The following EIF3M variants were observed in gnomAD, a reference collection of about 807,000 sequenced individuals.
The protein encoded by EIF3M is eukaryotic translation initiation factor 3 subunit M, also known as B5 receptor.
Under a neutral mutation model 49.7 loss-of-function variants are expected in EIF3M, and 25 were observed. The ratio of observed to expected loss-of-function variants is 0.50; its 90% CI spans 0.37 to 0.70. The LOEUF is 0.70. Ranked by LOEUF, EIF3M falls within the 30% of genes least tolerant of loss-of-function variation. The pLI is 0.00. For missense variants in EIF3M, 350 were observed against 440.0 expected, an observed-to-expected ratio of 0.80 and a Z score of 1.83; for synonymous variants, 156 against 149.8, an observed-to-expected ratio of 1.04 and a Z score of -0.30.
At chr11:32,600,446 G>A (rs145236608) in intron 8 of EIF3M, among the ~76,000 whole-genome samples, 10 of 151,900 alleles carry the variant, frequency 6.6e-5, no homozygotes, top group African/African-American at 2.2e-4. Context: ...TTTTATGGCC[G>A]ATTCTTAACT....
At chr11:32,596,835 G>A (rs764521912) in intron 8 of EIF3M, among the ~76,000 whole-genome samples, 24 of 152,032 alleles carry the variant, frequency 1.6e-4, no homozygotes, top group Non-Finnish European at 2.5e-4. Context: ...AACCCGGGAG[G>A]CAGAGGTTGC....
Position 32,583,861 on chromosome 11 carries a change from A to C in EIF3M, c.-27A>C. On this transcript the variant is annotated 5_prime_UTR_variant, in exon 1 of 11. Coordinates refer to ENST00000531120, the MANE Select transcript of EIF3M (RefSeq NM_006360.6). ...CCGGTCGGCGTGGTCTTGCGAGTGG[A>C]GTGTCCGCTGTGCCCGGGCCTGCAC... 2 of 1,610,812 alleles carry C rather than the reference A, an allele frequency of 1.2e-6. No homozygotes were observed. Among genetic ancestry groups the C allele is most frequent in the East Asian group, 2.2e-5 (1 of 44,742 alleles).
Position 32,603,686 on chromosome 11 carries a change from T to A in EIF3M, c.*1287T>A, listed in dbSNP as rs1450842562. 1.3e-5 allele frequency: 2 copies of A among 152,238 alleles called. No homozygotes were observed. The highest frequency in any genetic ancestry group is 4.8e-5 in the African/African-American group (2 of 41,462). The allele number at this position is 152,238 out of a possible 1,614,324, so 9.4% of individuals were successfully genotyped here. On this transcript the variant is annotated 3_prime_UTR_variant, in exon 11 of 11. Coordinates refer to ENST00000531120, the MANE Select transcript of EIF3M (RefSeq NM_006360.6). ...TATCTCCTACTACTGAATGTTTGTT[T>A]CCAGTTTATCCCTACCAAAAATTAA...
Position 32,600,449 on chromosome 11 carries a change from TCTTAA to T in EIF3M, c.800-236_800-232del, listed in dbSNP as rs1433113802. Among the ~76,000 whole-genome samples the T allele has an allele frequency of 3.9e-5, 6 of 151,946 alleles. No individual in the cohort carries two copies. The East Asian group carries it at 1.2e-3, about 29-fold the overall frequency. The stretch of plus-strand genomic sequence containing the variant: ...TAAAAATAATCATTTTATGGCCGAT[TCTTAA>T]CTTTGAATCTATCACCTATGGTACT... On this transcript the variant is annotated intron_variant, in intron 8 of 10. Transcript: ENST00000531120.
chr11:32,596,243 CAAG>C (rs1855175503), intron 8 of EIF3M, among the ~76,000 whole-genome samples, 196 bp downstream of exon 8: 1 of 151,964 alleles, frequency 6.6e-6, no homozygotes, highest in Admixed American at 6.6e-5. Flanking sequence ...AATCAGAAAC[CAAG>C]AAGGTGTAGG....
At chr11:32,589,238 G>T (rs184975960) in intron 4 of EIF3M, 103 bp downstream of exon 4, 25 of 1,497,522 alleles carry the variant, frequency 1.7e-5, no homozygotes, top group Non-Finnish European at 2.2e-5. Flanking sequence ...GTGCAATGGC[G>T]CAATCTCAGC....
intron 5 of EIF3M, among the ~76,000 whole-genome samples, chr11:32,589,922 C>A (rs1054800756): frequency 3.9e-5 from 6 of 152,190 alleles, no homozygotes; most frequent in African/African-American, 1.4e-4. Context: ...ACTGCTGTAG[C>A]ATGAGCTTGG....
intron 8 of EIF3M, among the ~76,000 whole-genome samples, chr11:32,596,441 A>G (rs1565049910): frequency 6.6e-6 from 1 of 151,968 alleles, no homozygotes; most frequent in African/African-American, 2.4e-5. Flanking sequence ...TAAAAATACA[A>G]AAAATTAGCC....
chr11:32,592,685 A>G, intron 5 of EIF3M: 1 of 508,310 alleles, frequency 2.0e-6, no homozygotes, highest in Non-Finnish European at 3.9e-6. Flanking sequence ...AATGTTCTCT[A>G]AAACTACCAT....
chr11:32,601,322 T>C (rs974831943), intron 9 of EIF3M: 1 of 155,508 alleles, frequency 6.4e-6, no homozygotes, highest in Non-Finnish European at 1.4e-5. Context: ...CTCAGGAATT[T>C]TTTCTGAGCT....
chr11:32,599,442 T>C (rs1411172086), intron 8 of EIF3M, among the ~76,000 whole-genome samples: 1 of 151,976 alleles, frequency 6.6e-6, no homozygotes, highest in African/African-American at 2.4e-5. Flanking sequence ...AATTAACAGA[T>C]GATCATGTCC....
rs564803222 is a variant in EIF3M, at chr11:32,588,797, T to C, written c.314+65T>C. The C allele has an allele frequency of 3.7e-6, 6 of 1,605,462 alleles. No homozygotes were observed. The South Asian group carries it at 6.7e-5, about 18-fold the overall frequency. On this transcript the variant is annotated intron_variant, in intron 3 of 10. Coordinates refer to ENST00000531120, the MANE Select transcript of EIF3M (RefSeq NM_006360.6). Reference sequence around the variant, plus strand: ...CTTTTTTCATGTTACTAACTTTTAATGGTGCAGAGCAGGAATTCTGGAACT... The same window carrying C: ...CTTTTTTCATGTTACTAACTTTTAACGGTGCAGAGCAGGAATTCTGGAACT...
chr11:32,592,821 A>G (rs565584173), intron 5 of EIF3M: 2 of 368,302 alleles, frequency 5.4e-6, no homozygotes, highest in Non-Finnish European at 1.0e-5. Context: ...GGGTCTGACC[A>G]TGTTGCCCAC....
intron 5 of EIF3M, among the ~76,000 whole-genome samples, chr11:32,590,445 C>A (rs554177712): frequency 1.3e-5 from 2 of 152,182 alleles, no homozygotes; most frequent in East Asian, 3.8e-4. Context: ...CAGAAACACC[C>A]CTCTCATATT....
chr11:32,595,871 G>A (rs1565049625), intron 7 of EIF3M, 95 bp from the exon 8 acceptor site: 11 of 919,470 alleles, frequency 1.2e-5, no homozygotes, highest in South Asian at 1.7e-5. Context: ...GTAGGAGTCA[G>A]TATCTTTAAA....
At chr11:32,600,339 G>T (rs1376332263) in intron 8 of EIF3M, among the ~76,000 whole-genome samples, 1 of 151,274 alleles carries the variant, frequency 6.6e-6, no homozygotes, top group East Asian at 1.9e-4. Context: ...AATAGAAATT[G>T]TTCTTATGAA....
intron 6 of EIF3M, 82 bp downstream of exon 6, chr11:32,594,031 T>C (rs979476111): frequency 1.3e-5 from 12 of 926,520 alleles, no homozygotes; most frequent in Non-Finnish European, 4.6e-6. Context: ...ACTGAAATCA[T>C]GTTTGCAACT....
At chr11:32,588,964 A>G (rs775750589) in intron 3 of EIF3M, 48 bp from the exon 4 acceptor site, 23 of 1,604,822 alleles carry the variant, frequency 1.4e-5, no homozygotes, top group South Asian at 1.0e-4. Context: ...TCAACTTAAA[A>G]CTGGTTGCTG....
chr11:32,602,958 AGTC>A lies in EIF3M; in HGVS notation c.*563_*565del. ...AGTCATCATCACCAGAAGTATTTTT[AGTC>A]GTCTTGATTGCCTGCAAATGGCTTT... On this transcript the variant is annotated 3_prime_UTR_variant, in exon 11 of 11. Coordinates refer to ENST00000531120, the MANE Select transcript of EIF3M (RefSeq NM_006360.6). 1 of 1,613,558 alleles carries A rather than the reference AGTC, an allele frequency of 6.2e-7. No homozygotes were observed. The highest frequency in any genetic ancestry group is 8.5e-7 in the Non-Finnish European group (1 of 1,179,816).
Sources: gnomAD v4.1 joint callset for allele counts (sites outside exome capture counted in the v4.1 genomes callset) on GRCh38, gnomAD v4.1.1 for gene constraint, MANE v1.5 for transcripts, NCBI Gene and HGNC (gene_info 2026-07-23, HGNC 2026-07-21) for gene names.